SYNE1: variants seen among roughly 807,000 people sequenced by gnomAD.
SYNE1 encodes spectrin repeat containing nuclear envelope protein 1, also known as nesprin-1.
SYNE1 carries 616 observed loss-of-function variants against 1,111.0 expected under a neutral mutation model. The observed-to-expected ratio is 0.55, with a 90% confidence interval of 0.52 to 0.59. The LOEUF is 0.59. Among genes scored for constraint, SYNE1 ranks in the 20% least tolerant of loss-of-function variants. SYNE1 has a pLI of 0.00. For missense variants in SYNE1, 10,006 were observed against 10,417.0 expected, an observed-to-expected ratio of 0.96 and a Z score of 1.72; for synonymous variants, 3,855 against 3,825.8, an observed-to-expected ratio of 1.01 and a Z score of -0.28.
intron 29 of SYNE1, among the ~76,000 whole-genome samples, chr6:152,445,683 G>T (rs2098579027): frequency 6.6e-6 from 1 of 151,954 alleles, no homozygotes; most frequent in Non-Finnish European, 1.5e-5. Flanking sequence ...TTGAAATAAT[G>T]ACTCTTCACT....
chr6:152,606,542 C>T (rs1384079364), intron 3 of SYNE1, among the ~76,000 whole-genome samples: 4 of 152,158 alleles, frequency 2.6e-5, no homozygotes, highest in Non-Finnish European at 4.4e-5. Flanking sequence ...TACTAAATTG[C>T]CACTCTGCAT....
chr6:152,635,308 T>C (rs2099704276), intron 2 of SYNE1, among the ~76,000 whole-genome samples: 1 of 152,078 alleles, frequency 6.6e-6, no homozygotes, highest in Non-Finnish European at 1.5e-5. Context: ...CTAGCAAATA[T>C]TGTTATCTGG....
intron 3 of SYNE1, among the ~76,000 whole-genome samples, chr6:152,618,925 A>T (rs879443167): frequency 6.6e-6 from 1 of 152,176 alleles, no homozygotes; most frequent in Non-Finnish European, 1.5e-5. Flanking sequence ...TTTAAAATAA[A>T]TTACTACTTA....
chr6:152,344,098 C>T lies in SYNE1; in HGVS notation c.12208G>A (p.Ala4070Thr), dbSNP rs763079701. ...TTTACTACCTGCTTAATGGCTTCTG[C>T]CCTACTAAGAGGTGGTTGAGGACTT... ...EPSPQPPLSR[A>T]EAIKQVKHFR... The change falls in exon 74 of 146, where the codon GCA becomes ACA. Residue 4070 changes from alanine (A) to threonine (T), a missense_variant. This residue lies in a region of SYNE1 where 4,955 missense variants were observed against 5,017.2 expected (regional missense o/e 0.99). Transcript: ENST00000367255. 1.9e-6 allele frequency: 3 copies of T among 1,614,188 alleles called. No individual in the cohort carries two copies. The highest frequency in any genetic ancestry group is 1.7e-5 in the Admixed American group (1 of 60,018).
intron 127 of SYNE1, among the ~76,000 whole-genome samples, chr6:152,196,164 C>T (rs534022821): frequency 3.7e-4 from 57 of 152,222 alleles, no homozygotes; most frequent in Middle Eastern, 6.8e-3. Context: ...TGGAACTTAC[C>T]CTTCAGGGGA....
Position 152,526,065 on chromosome 6 carries a change from C to G in SYNE1, c.225+15G>C, listed in dbSNP as rs747506496. On this transcript the variant is annotated intron_variant, in intron 5 of 145. Coordinates refer to ENST00000367255, the MANE Select transcript of SYNE1 (RefSeq NM_182961.4). ...AAACAATTTGACAAGTATGATCACA[C>G]AAAAAAATTCTTACCAGTTTCTGCC... The G allele has an allele frequency of 2.5e-6, 4 of 1,612,128 alleles. No individual in the cohort carries two copies. The highest frequency in any genetic ancestry group is 3.4e-6 in the Non-Finnish European group (4 of 1,178,398).
At chr6:152,226,485 G>T (rs531699684) in intron 115 of SYNE1, among the ~76,000 whole-genome samples, 1 of 152,228 alleles carries the variant, frequency 6.6e-6, no homozygotes, top group South Asian at 2.1e-4. Context: ...AAGGCTTCAG[G>T]CTTCTTTGAT....
chr6:152,213,696 T>A lies in SYNE1; in HGVS notation c.22410A>T (p.Glu7470Asp). 6.2e-7 allele frequency: 1 copy of A among 1,614,160 alleles called. No homozygotes were observed. Among genetic ancestry groups the A allele is most frequent in the South Asian group, 1.1e-5 (1 of 91,082 alleles). Reference sequence around the variant, plus strand: ...ACTTTTGTTCTGTCTGAACTAGGAATTCCATCCATGTTTCACATTTTTCCA... The same window carrying A: ...ACTTTTGTTCTGTCTGAACTAGGAAATCCATCCATGTTTCACATTTTTCCA... Reference protein sequence around the residue: ...TFLEKCETWMEFLVQTEQKLA... With the variant: ...TFLEKCETWMDFLVQTEQKLA... Residue 7470 changes from glutamate to aspartate, a missense_variant, in exon 123 of 146, where the codon GAA becomes GAT. Coordinates refer to ENST00000367255, the MANE Select transcript of SYNE1 (RefSeq NM_182961.4).
intron 42 of SYNE1, among the ~76,000 whole-genome samples, chr6:152,412,446 T>G (rs1167256409): frequency 6.7e-6 from 1 of 149,534 alleles, no homozygotes; most frequent in Non-Finnish European, 1.5e-5. Flanking sequence ...AAAAAATGAA[T>G]CAGCTATTGA....
intron 3 of SYNE1, among the ~76,000 whole-genome samples, chr6:152,560,088 C>G (rs184997409): frequency 4.6e-5 from 7 of 152,274 alleles, no homozygotes; most frequent in Admixed American, 2.6e-4. Context: ...CATGGTGGCT[C>G]ACACCCGAAA....
rs1461788291 is a variant in SYNE1 at position 152,517,087 on chromosome 6, T to G, written c.309+3372A>C. On this transcript the variant is annotated intron_variant, in intron 6 of 145. Transcript: ENST00000367255. ...CTGGAATCTCTCTTGGGCATGAAAT[T>G]TGCACAATTGACTGAAATGTATACT... 5.3e-5 allele frequency among the ~76,000 whole-genome samples: 8 copies of G among 152,334 alleles called. 1 individual carries two copies. The highest frequency in any genetic ancestry group is 1.7e-4 in the African/African-American group (7 of 41,584).
At chr6:152,193,707 C>T (rs1056377336) in intron 127 of SYNE1, among the ~76,000 whole-genome samples, 8 of 152,010 alleles carry the variant, frequency 5.3e-5, no homozygotes, top group African/African-American at 1.7e-4. Context: ...TTTCATCTTT[C>T]TACTTAAGGT....
At position 152,330,435 on chromosome 6, in the gene SYNE1, G is replaced by A. The variant is rs1218569973; in HGVS notation, c.14250C>T (p.Asp4750=). ...ATAAGGTGACAAGGTGCAGCATCTT[G>A]TCTGGCTGCCAAGGCTGACCTGTGC... is the stretch of plus-strand genomic sequence containing the variant. The part of the protein sequence containing the change: ...FRSTGQPWQP[D]KMLHLVTLYH... Residue 4750 remains aspartate, a synonymous_variant, in exon 78 of 146, where the codon GAC becomes GAT. Transcript: ENST00000367255. 1 of 1,614,130 alleles carries A rather than the reference G, an allele frequency of 6.2e-7. No individual in the cohort carries two copies. The highest frequency in any genetic ancestry group is 8.5e-7 in the Non-Finnish European group (1 of 1,180,030).
rs187910661 is a variant in SYNE1, at chr6:152,330,404, T to C, written c.14281A>G (p.Arg4761Gly). The change falls in exon 78 of 146, where the codon AGG (arginine) becomes GGG (glycine). Residue 4761 changes from arginine to glycine, a missense_variant. Arg to Gly is a moderately radical substitution (Grantham distance 125). This residue lies in a region of SYNE1 where 4,955 missense variants were observed against 5,017.2 expected (regional missense o/e 0.99). Coordinates refer to ENST00000367255, the MANE Select transcript of SYNE1 (RefSeq NM_182961.4). ...KMLHLVTLYH[R>G]LKRQTEQRVS... ...CTCTGTTCTGTTTGTCGCTTCAGCC[T>C]GTGATATAAGGTGACAAGGTGCAGC... 4.9e-4 allele frequency: 795 copies of C among 1,614,182 alleles called. 1 individual carries two copies. Among genetic ancestry groups the C allele is most frequent in the Non-Finnish European group, 1.6e-4 (192 of 1,180,038 alleles).
chr6:152,199,042 C>T (rs1176990926), intron 127 of SYNE1, among the ~76,000 whole-genome samples: 2 of 150,100 alleles, frequency 1.3e-5, no homozygotes, highest in Admixed American at 1.3e-4. Context: ...GTGAAACACA[C>T]TAAAACAAGT....
intron 42 of SYNE1, chr6:152,410,159 A>G (rs2097998468): frequency 1.2e-5 from 2 of 160,710 alleles, no homozygotes; most frequent in African/African-American, 4.8e-5. Context: ...TTACTCAATA[A>G]TTAAAGTATA....
rs1468163060 is a variant in SYNE1, at chr6:152,399,599, G to A, written c.7237+17C>T. 1 of 1,613,758 alleles carries A rather than the reference G, an allele frequency of 6.2e-7. No individual in the cohort carries two copies. Among genetic ancestry groups the A allele is most frequent in the Non-Finnish European group, 8.5e-7 (1 of 1,179,830 alleles). Reference sequence around the variant, plus strand: ...CTCGGAAACAAACTACTCATGCTAAGGCCCCTCAGAACTCACCACTGAAGT... The same window carrying A: ...CTCGGAAACAAACTACTCATGCTAAAGCCCCTCAGAACTCACCACTGAAGT... On this transcript the variant is annotated intron_variant, in intron 48 of 145. Coordinates refer to ENST00000367255, the MANE Select transcript of SYNE1 (RefSeq NM_182961.4).
intron 11 of SYNE1, among the ~76,000 whole-genome samples, chr6:152,490,524 T>A (rs2098964620): frequency 6.6e-6 from 1 of 152,310 alleles, no homozygotes; most frequent in Non-Finnish European, 1.5e-5. Context: ...GGACAATGAA[T>A]CTCGGAAGCT....
At chr6:152,360,351 C>T (rs1038222946) in intron 64 of SYNE1, among the ~76,000 whole-genome samples, 10 of 152,198 alleles carry the variant, frequency 6.6e-5, no homozygotes, top group South Asian at 4.2e-4. Context: ...CCACAGGGCC[C>T]GAGGACCTGC....
Sources: allele counts gnomAD v4.1 joint callset (sites outside exome capture counted in the v4.1 genomes callset), GRCh38; gene constraint gnomAD v4.1.1; regional missense constraint gnomAD v4.1.1; transcripts MANE v1.5; gene names NCBI Gene and HGNC (gene_info 2026-07-23, HGNC 2026-07-21).